The following TMX4 variants were observed in gnomAD, a reference collection of about 807,000 sequenced individuals.
TMX4 encodes thioredoxin-related transmembrane protein 4.
TMX4 carries 23 observed loss-of-function variants against 33.3 expected under a neutral mutation model. The observed-to-expected ratio is 0.69, with a 90% CI of 0.50 to 0.98. The LOEUF is 0.98. Among genes scored for constraint, TMX4 ranks in the 50% least tolerant of loss-of-function variants. The probability of loss-of-function intolerance (pLI) is 0.00; values close to 1 mark genes in which losing one functional copy is unlikely to be tolerated. For missense variants in TMX4, 399 were observed against 448.9 expected (o/e 0.89, Z 1.01); for synonymous variants, 164 against 161.5 (o/e 1.02, Z -0.12).
chr20:8,004,541 CTG>C (rs2050719768), intron 2 of TMX4, among the ~76,000 whole-genome samples: 1 of 152,128 alleles, frequency 6.6e-6, no homozygotes, highest in Non-Finnish European at 1.5e-5. Flanking sequence ...AAAATGAAGA[CTG>C]TGACACAACA....
At chr20:8,012,876 C>G (rs1178303732) in intron 1 of TMX4, among the ~76,000 whole-genome samples, 1 of 152,040 alleles carries the variant, frequency 6.6e-6, no homozygotes, top group African/African-American at 2.4e-5. Flanking sequence ...TTGTTAATGC[C>G]ATTATTTCAC....
Position 8,004,124 on chromosome 20 carries a change from C to CAAA in TMX4, c.293-2586_293-2584dup, listed in dbSNP as rs755739694. ...ATCCAACACCATAAGAAATTCATCT[C>CAAA]AAAAAAAAAAAAAAGTAACTTCTGG... On this transcript the variant is annotated intron_variant, in intron 2 of 7. Coordinates refer to ENST00000246024, the MANE Select transcript of TMX4 (RefSeq NM_021156.4). Among the ~76,000 whole-genome samples, 155 of 132,396 alleles carry CAAA rather than the reference C, an allele frequency of 1.2e-3. 1 individual carries two copies. Among genetic ancestry groups the CAAA allele is most frequent in the African/African-American group, 4.1e-3 (147 of 36,214 alleles). The allele number at this position is 132,396 out of a possible 152,430, so 86.9% of individuals were successfully genotyped here. A position where few individuals can be genotyped will look rare whatever the true frequency, so the allele number is the denominator to read the frequency against.
At chr20:8,000,431 T>A (rs1379932751) in intron 3 of TMX4, among the ~76,000 whole-genome samples, 1 of 152,122 alleles carries the variant, frequency 6.6e-6, no homozygotes, top group Non-Finnish European at 1.5e-5. Context: ...CCACTCATAC[T>A]GGGGGTCTCC....
intron 1 of TMX4, among the ~76,000 whole-genome samples, chr20:8,011,220 T>C (rs1342931257): frequency 2.6e-5 from 4 of 152,030 alleles, no homozygotes; most frequent in Non-Finnish European, 5.9e-5. Context: ...TTTTACAAAA[T>C]GTGGCACCTA....
chr20:7,985,277 A>ATTTTT (rs1214396295), intron 6 of TMX4, among the ~76,000 whole-genome samples: 2 of 110,540 alleles, frequency 1.8e-5, no homozygotes, highest in African/African-American at 4.0e-5. Flanking sequence ...ATATATATAT[A>ATTTTT]TTTTTTTTTT....
intron 7 of TMX4, 24 bp from the exon 8 acceptor site, chr20:7,982,645 A>G: frequency 6.3e-7 from 1 of 1,583,524 alleles, no homozygotes; most frequent in Non-Finnish European, 8.6e-7. Context: ...AAAGAGGAAT[A>G]TCCTCTGAAT....
At chr20:8,014,385 G>A (rs2122883420) in intron 1 of TMX4, among the ~76,000 whole-genome samples, 1 of 152,282 alleles carries the variant, frequency 6.6e-6, no homozygotes, top group South Asian at 2.1e-4. Flanking sequence ...GTCTCCTTCA[G>A]TGATATGCTT....
intron 1 of TMX4, among the ~76,000 whole-genome samples, chr20:8,016,296 C>T (rs577543451): frequency 2.0e-5 from 3 of 152,046 alleles, no homozygotes; most frequent in African/African-American, 4.8e-5. Flanking sequence ...TGCTTGAGCC[C>T]GGGAGGCAGA....
At chr20:8,018,524 G>GCACTC (rs767056731) in intron 1 of TMX4, among the ~76,000 whole-genome samples, 1 of 45,336 alleles carries the variant, frequency 2.2e-5, no homozygotes, top group Non-Finnish European at 3.3e-5. Flanking sequence ...GAGAGAGAGA[G>GCACTC]AGAGTCTGCA....
intron 1 of TMX4, chr20:8,019,005 C>G (rs1304928969): frequency 4.4e-6 from 2 of 451,774 alleles, no homozygotes; most frequent in South Asian, 1.6e-5. Context: ...GTGGATGTCA[C>G]TGAATGTCCT....
At chr20:8,009,072 A>G (rs2050741873) in intron 2 of TMX4, among the ~76,000 whole-genome samples, 1 of 152,128 alleles carries the variant, frequency 6.6e-6, no homozygotes, top group Non-Finnish European at 1.5e-5. Context: ...TTGCCCTTGT[A>G]AAAGGATGAA....
chr20:8,015,260 A>C (rs1050508520), intron 1 of TMX4, among the ~76,000 whole-genome samples: 3 of 152,196 alleles, frequency 2.0e-5, no homozygotes, highest in Non-Finnish European at 4.4e-5. Flanking sequence ...TACCCATAAC[A>C]GTATCTAGAG....
chr20:7,980,002 A>T lies in TMX4; in HGVS notation c.*2249T>A, dbSNP rs954857458. On this transcript the variant is annotated 3_prime_UTR_variant, in exon 8 of 8. Coordinates refer to ENST00000246024, the MANE Select transcript of TMX4 (RefSeq NM_021156.4). ...ATCTTGGGCATGGAACAAAGTTTTGATTGCACTGTAACTGCCACCTGTCAA... is the reference window on the plus strand; with the variant it reads ...ATCTTGGGCATGGAACAAAGTTTTGTTTGCACTGTAACTGCCACCTGTCAA... 5 of 152,156 alleles carry T rather than the reference A, an allele frequency of 3.3e-5. No homozygotes were observed. Among genetic ancestry groups the T allele is most frequent in the African/African-American group, 1.2e-4 (5 of 41,442 alleles). The allele number at this position is 152,156 out of a possible 1,614,324, so 9.4% of individuals were successfully genotyped here.
intron 6 of TMX4, among the ~76,000 whole-genome samples, chr20:7,985,314 C>A (rs922414801): frequency 1.4e-5 from 2 of 147,376 alleles, no homozygotes; most frequent in African/African-American, 2.5e-5. Flanking sequence ...AGCTCTGTCA[C>A]CCAGGCTGGA....
At chr20:8,015,122 T>A (rs889092571) in intron 1 of TMX4, among the ~76,000 whole-genome samples, 7 of 152,202 alleles carry the variant, frequency 4.6e-5, no homozygotes, top group African/African-American at 1.4e-4. Context: ...GCCATGTAAC[T>A]ATGAACTGTG....
chr20:8,015,007 T>TC (rs2050767495), intron 1 of TMX4, among the ~76,000 whole-genome samples: 1 of 148,848 alleles, frequency 6.7e-6, no homozygotes, highest in African/African-American at 2.4e-5. Flanking sequence ...CTTCTTTTTT[T>TC]CTTTTTTTTT....
chr20:7,983,281 A>T (rs1186850967), intron 7 of TMX4, among the ~76,000 whole-genome samples: 2 of 152,266 alleles, frequency 1.3e-5, no homozygotes, highest in East Asian at 3.8e-4. Flanking sequence ...AGAACTAAAA[A>T]GAAACATGAG....
At chr20:7,995,518 A>G (rs1367346714) in intron 5 of TMX4, among the ~76,000 whole-genome samples, 1 of 152,200 alleles carries the variant, frequency 6.6e-6, no homozygotes, top group Non-Finnish European at 1.5e-5. Context: ...GTGAACCACA[A>G]TTCTCTGTGT....
chr20:8,004,773 G>C (rs1275316079), intron 2 of TMX4, among the ~76,000 whole-genome samples: 1 of 152,140 alleles, frequency 6.6e-6, no homozygotes, highest in Non-Finnish European at 1.5e-5. Context: ...AGCCATTGTT[G>C]TACTATTTAT....
Sources: gnomAD v4.1 joint callset for allele counts (sites outside exome capture counted in the v4.1 genomes callset) on GRCh38, gnomAD v4.1.1 for gene constraint, MANE v1.5 for transcripts, NCBI Gene and HGNC (gene_info 2026-07-23, HGNC 2026-07-21) for gene names.